The following CNNM2 variants were observed in gnomAD, a reference collection of about 807,000 sequenced individuals.
CNNM2 encodes metal transporter CNNM2.
Under a neutral mutation model 66.9 loss-of-function variants are expected in CNNM2, and 12 were observed. The ratio of observed to expected loss-of-function variants is 0.18; its 90% CI spans 0.11 to 0.29. The LOEUF (loss-of-function observed/expected upper bound fraction) is 0.29. CNNM2 is among the 10% of genes least tolerant of loss of function. CNNM2 has a pLI of 1.00. For missense variants in CNNM2, 705 were observed against 1,167.7 expected (o/e 0.60, Z 5.77); for synonymous variants, 557 against 501.8 (o/e 1.11, Z -1.47).
chr10:102,950,537 G>A (rs1590296818), intron 1 of CNNM2, among the ~76,000 whole-genome samples: 1 of 152,084 alleles, frequency 6.6e-6, no homozygotes, highest in Non-Finnish European at 1.5e-5. Context: ...TGAGGCGGGA[G>A]GATTGCTTGG....
intron 2 of CNNM2, among the ~76,000 whole-genome samples, chr10:103,053,931 C>T (rs1249819966): frequency 6.6e-6 from 1 of 152,156 alleles, no homozygotes; most frequent in Non-Finnish European, 1.5e-5. Context: ...CAGTGGTGGT[C>T]CTTTGCTGGA....
At chr10:102,962,546 T>C (rs762799472) in intron 1 of CNNM2, among the ~76,000 whole-genome samples, 2 of 152,006 alleles carry the variant, frequency 1.3e-5, no homozygotes, top group South Asian at 2.1e-4. Flanking sequence ...ACTAGAAAAA[T>C]AGCAGAAACA....
At chr10:103,057,182 A>T (rs2065309682) in intron 4 of CNNM2, among the ~76,000 whole-genome samples, 1 of 152,218 alleles carries the variant, frequency 6.6e-6, no homozygotes, top group Non-Finnish European at 1.5e-5. Flanking sequence ...AAAGGTGCTT[A>T]GTAGGCTCGG....
chr10:103,004,813 T>TTTTGTGTCCAAGAAAA (rs2064194671), intron 1 of CNNM2, among the ~76,000 whole-genome samples: 1 of 152,222 alleles, frequency 6.6e-6, no homozygotes, highest in Non-Finnish European at 1.5e-5. Flanking sequence ...TTCTTGGACC[T>TTTTGTGTCCAAGAAAA]TTTGTGTTTT....
rs1417267772 is a variant in CNNM2, at chr10:103,083,279, TAC to T, written c.*6101_*6102del. 1.6e-4 allele frequency: 25 copies of T among 152,388 alleles called. No individual in the cohort carries two copies. Among genetic ancestry groups the T allele is most frequent in the African/African-American group, 5.3e-4 (22 of 41,592 alleles). The allele number at this position is 152,388 out of a possible 1,614,324, so 9.4% of individuals were successfully genotyped here. On this transcript the variant is annotated 3_prime_UTR_variant, in exon 8 of 8. Coordinates refer to ENST00000369878, the MANE Select transcript of CNNM2 (RefSeq NM_017649.5). ...TTTTATAATTCAAATGATGTAGATGTACAGTCTCTCCTATTTATTTTGTACCA... is the reference window on the plus strand; with the variant it reads ...TTTTATAATTCAAATGATGTAGATGTAGTCTCTCCTATTTATTTTGTACCA...
chr10:102,921,025 A>C, intron 1 of CNNM2: 1 of 931,060 alleles, frequency 1.1e-6, no homozygotes, highest in Non-Finnish European at 1.3e-6. Context: ...CGATACATTA[A>C]GTTGAAGTAT....
Position 103,056,931 on chromosome 10 carries a change from C to G in CNNM2, c.2040C>G (p.Asn680Lys), listed in dbSNP as rs745518321. Residue 680 changes from asparagine (N) to lysine (K), a missense_variant, in exon 4 of 8, where the codon AAC becomes AAG. Coordinates refer to ENST00000369878, the MANE Select transcript of CNNM2 (RefSeq NM_017649.5). ...KAPEYYLYQR[N>K]KPVDYFVLIL... Reference sequence around the variant, plus strand: ...CCGAATACTACCTCTACCAGCGCAACAAGCCAGTAGACTACTTCGTTCTCA... The same window carrying G: ...CCGAATACTACCTCTACCAGCGCAAGAAGCCAGTAGACTACTTCGTTCTCA... 5 of 1,613,420 alleles carry G rather than the reference C, an allele frequency of 3.1e-6. No individual in the cohort carries two copies. Among genetic ancestry groups the G allele is most frequent in the Non-Finnish European group, 3.4e-6 (4 of 1,179,750 alleles).
chr10:102,965,343 T>C (rs2063446288), intron 1 of CNNM2, among the ~76,000 whole-genome samples: 1 of 152,236 alleles, frequency 6.6e-6, no homozygotes, highest in Non-Finnish European at 1.5e-5. Flanking sequence ...TAAATTGGGC[T>C]GGCTTATAGT....
At chr10:103,063,193 G>C (rs2065417820) in intron 4 of CNNM2, among the ~76,000 whole-genome samples, 1 of 152,160 alleles carries the variant, frequency 6.6e-6, no homozygotes, top group Non-Finnish European at 1.5e-5. Flanking sequence ...GCTGAGTCTG[G>C]CCATTCCATT....
rs1201460224 is a variant in CNNM2 at position 103,077,255 on chromosome 10, A to C, written c.*75A>C. The C allele has an allele frequency of 7.4e-7, 1 of 1,354,558 alleles. No individual in the cohort carries two copies. The highest frequency in any genetic ancestry group is 1.0e-6 in the Non-Finnish European group (1 of 964,494). The allele number at this position is 1,354,558 out of a possible 1,614,324, so 83.9% of individuals were successfully genotyped here. A position where few individuals can be genotyped will look rare whatever the true frequency, so the allele number is the denominator to read the frequency against. On this transcript the variant is annotated 3_prime_UTR_variant, in exon 8 of 8. Coordinates refer to ENST00000369878, the MANE Select transcript of CNNM2 (RefSeq NM_017649.5). The stretch of plus-strand genomic sequence containing the variant: ...CCCGGCCCTGTCTGCCCATGACTTC[A>C]CTGGTGTGAGCTTGTCCGCCATGCT...
rs10580172 is a variant in CNNM2 at position 102,962,690 on chromosome 10, CTGTGTGTGTGTGTG to C, written c.1621+42617_1621+42630del. 0.055 allele frequency among the ~76,000 whole-genome samples: 7,856 copies of C among 143,902 alleles called. 298 individuals are homozygous for C. Among genetic ancestry groups the C allele is most frequent in the Admixed American group, 0.094 (1,333 of 14,178 alleles). The allele number at this position is 143,902 out of a possible 152,430, so 94.4% of individuals were successfully genotyped here. A position where few individuals can be genotyped will look rare whatever the true frequency, so the allele number is the denominator to read the frequency against. On this transcript the variant is annotated intron_variant, in intron 1 of 7. Transcript: ENST00000369878. ...GGGAGAATTCTCACAATATGATATA[CTGTGTGTGTGTGTG>C]TGTGTGTGTGTGTGTGTGTGTGTGT...
At chr10:102,951,288 C>G (rs534259754) in intron 1 of CNNM2, among the ~76,000 whole-genome samples, 1 of 152,122 alleles carries the variant, frequency 6.6e-6, no homozygotes, top group Admixed American at 6.5e-5. Flanking sequence ...CCTCCACCTC[C>G]TGTGTTCAAG....
intron 1 of CNNM2, among the ~76,000 whole-genome samples, chr10:103,006,711 T>C (rs2064236139): frequency 6.6e-6 from 1 of 152,190 alleles, no homozygotes; most frequent in South Asian, 2.1e-4. Flanking sequence ...ACCGCAGCCT[T>C]GACCCCTCTA....
chr10:102,967,153 G>A (rs992821888), intron 1 of CNNM2, among the ~76,000 whole-genome samples: 17 of 152,092 alleles, frequency 1.1e-4, no homozygotes, highest in African/African-American at 4.1e-4. Context: ...GGGTCTTGCT[G>A]TGTTGCCCAG....
chr10:102,943,898 C>T (rs531342356), intron 1 of CNNM2, among the ~76,000 whole-genome samples: 4 of 152,216 alleles, frequency 2.6e-5, no homozygotes, highest in Non-Finnish European at 5.9e-5. Flanking sequence ...CTCTGCTCAG[C>T]CTTTAATACC....
chr10:102,943,565 T>C (rs1275650184), intron 1 of CNNM2, among the ~76,000 whole-genome samples: 1 of 152,222 alleles, frequency 6.6e-6, no homozygotes, highest in Non-Finnish European at 1.5e-5. Context: ...TGAGCAGGCA[T>C]TACTTTTATT....
At chr10:103,028,828 C>CTTTTTTTTTTTTTTTT (rs34401079) in intron 1 of CNNM2, among the ~76,000 whole-genome samples, 1 of 99,196 alleles carries the variant, frequency 1.0e-5, no homozygotes, top group Admixed American at 1.2e-4. Context: ...TTTTTTTTTT[C>CTTTTTTTTTTTTTTTT]TTTTTTTTTT....
At position 103,073,589 on chromosome 10, in the gene CNNM2, C is replaced by T. The variant is rs138760525; in HGVS notation, c.2233+1750C>T. ...GAAAGAATAGAAAATGGGCCGGGCG[C>T]GGTGGCTCACGCCTGTAATCCCAGC... On this transcript the variant is annotated intron_variant, in intron 6 of 7. Coordinates refer to ENST00000369878, the MANE Select transcript of CNNM2 (RefSeq NM_017649.5). 6.4e-3 allele frequency among the ~76,000 whole-genome samples: 969 copies of T among 152,194 alleles called. 12 individuals carry two copies. Among genetic ancestry groups the T allele is most frequent in the African/African-American group, 0.022 (919 of 41,516 alleles).
At chr10:103,063,773 G>GT (rs2065430030) in intron 4 of CNNM2, among the ~76,000 whole-genome samples, 1 of 152,074 alleles carries the variant, frequency 6.6e-6, no homozygotes, top group South Asian at 2.1e-4. Context: ...TCCTGTCCTG[G>GT]TTTTTTTGGT....
Sources: gnomAD v4.1 joint callset for allele counts (sites outside exome capture counted in the v4.1 genomes callset) on GRCh38, gnomAD v4.1.1 for gene constraint, MANE v1.5 for transcripts, NCBI Gene and HGNC (gene_info 2026-07-23, HGNC 2026-07-21) for gene names.